ADRA1A: variants seen among roughly 807,000 people sequenced by gnomAD.
ADRA1A encodes the protein alpha-1A adrenergic receptor.
In ADRA1A, 31 loss-of-function variants were observed where a neutral mutation model predicts 29.6. The ratio of observed to expected loss-of-function variants is 1.05; its 90% CI spans 0.79 to 1.41. The LOEUF (loss-of-function observed/expected upper bound fraction) is 1.41, where lower values mean the gene tolerates loss of function less well. Among genes scored for constraint, ADRA1A ranks in the 40% most tolerant of loss-of-function variants. ADRA1A has a pLI of 0.00. For missense variants in ADRA1A, 619 were observed against 601.1 expected (o/e 1.03, Z -0.31); for synonymous variants, 311 against 254.3 (o/e 1.22, Z -2.12).
At position 26,805,597 on chromosome 8, in the gene ADRA1A, G is replaced by A. The variant is rs1808915171; in HGVS notation, c.884-34931C>T. On this transcript the variant is annotated intron_variant, in intron 2 of 2. Coordinates refer to ENST00000380573, the MANE Select transcript of ADRA1A (RefSeq NM_000680.4). The surrounding 1 kb of genome is among the most constrained non-coding windows in gnomAD (Gnocchi z 4.8). ...ATTACAGATTACGAAACAGGCATGA[G>A]AGGCTAAGTAACTTGCCCAAGGCCA... 1.3e-5 allele frequency among the ~76,000 whole-genome samples: 2 copies of A among 152,188 alleles called. No homozygotes were observed. The highest frequency in any genetic ancestry group is 4.8e-5 in the African/African-American group (2 of 41,444).
intron 2 of ADRA1A, among the ~76,000 whole-genome samples, chr8:26,799,887 G>A (rs1002392924): frequency 2.0e-5 from 3 of 152,172 alleles, no homozygotes; most frequent in African/African-American, 7.2e-5. Flanking sequence ...GGAAATGCAC[G>A]TAATCTAGAA....
chr8:26,824,028 T>G (rs557744658), intron 2 of ADRA1A, among the ~76,000 whole-genome samples: 1 of 152,200 alleles, frequency 6.6e-6, no homozygotes, highest in East Asian at 1.9e-4. Context: ...CTGCCTCTTC[T>G]TGCTCAGCCC....
chr8:26,802,388 C>A (rs1808650036), intron 2 of ADRA1A, among the ~76,000 whole-genome samples: 1 of 152,000 alleles, frequency 6.6e-6, no homozygotes, highest in African/African-American at 2.4e-5. Flanking sequence ...AGAAAACATA[C>A]AATAATCTGA....
At chr8:26,856,712 C>A (rs977190398) in intron 2 of ADRA1A, among the ~76,000 whole-genome samples, 2 of 152,214 alleles carry the variant, frequency 1.3e-5, no homozygotes, top group Non-Finnish European at 2.9e-5. Context: ...TCCAGGACCA[C>A]CCTTAGCCAC....
At chr8:26,835,290 A>T (rs1563292403) in intron 2 of ADRA1A, among the ~76,000 whole-genome samples, 1 of 152,168 alleles carries the variant, frequency 6.6e-6, no homozygotes, top group Non-Finnish European at 1.5e-5. Context: ...TTTCCTCTCC[A>T]ACAACACTAT....
downstream of ADRA1A, among the ~76,000 whole-genome samples, chr8:26,767,725 A>T (rs1805867339): frequency 6.6e-6 from 1 of 151,892 alleles, no homozygotes; most frequent in East Asian, 2.0e-4. Flanking sequence ...TTAAAGGATC[A>T]TCTCAAACAT....
intron 2 of ADRA1A, among the ~76,000 whole-genome samples, chr8:26,749,952 G>C (rs968539638): frequency 1.6e-4 from 25 of 152,176 alleles, no homozygotes; most frequent in African/African-American, 5.8e-4. Context: ...CATGGGGCTA[G>C]AGGCACATGA....
intron 2 of ADRA1A, among the ~76,000 whole-genome samples, chr8:26,810,520 TA>T (rs1215426070): frequency 2.6e-5 from 4 of 152,206 alleles, no homozygotes; most frequent in African/African-American, 9.6e-5. Flanking sequence ...CGGGATGACC[TA>T]AAACAATTCA....
intron 2 of ADRA1A, among the ~76,000 whole-genome samples, chr8:26,834,748 T>C (rs1046582918): frequency 1.3e-5 from 2 of 152,228 alleles, no homozygotes; most frequent in Non-Finnish European, 2.9e-5. Context: ...GCATGTCCTC[T>C]GGCTGGGTCT....
chr8:26,820,907 T>C (rs1485105434), intron 2 of ADRA1A, among the ~76,000 whole-genome samples: 1 of 139,568 alleles, frequency 7.2e-6, no homozygotes, highest in Non-Finnish European at 1.6e-5. Flanking sequence ...TTGTTGTTGT[T>C]GAGACAGAGT....
rs1180275332 is a variant in ADRA1A at position 26,768,830 on chromosome 8, A to G, written c.*1319T>C. On this transcript the variant is annotated 3_prime_UTR_variant, in exon 3 of 3. Transcript: ENST00000380573. ...GTTCTGTACTGAGTTATTATGGTTT[A>G]CCAAAATTTGGTATACATAAAGCAA... 1.1e-6 allele frequency: 1 copy of G among 920,626 alleles called. No individual in the cohort carries two copies. The highest frequency in any genetic ancestry group is 1.8e-5 in the African/African-American group (1 of 55,880). 57.0% of individuals were successfully genotyped at this position (920,626 alleles called of 1,614,324 possible). A position where few individuals can be genotyped will look rare whatever the true frequency, so the allele number is the denominator to read the frequency against.
intron 2 of ADRA1A, among the ~76,000 whole-genome samples, chr8:26,851,921 G>A (rs1355184817): frequency 6.6e-6 from 1 of 152,050 alleles, no homozygotes; most frequent in African/African-American, 2.4e-5. Flanking sequence ...CACTATTAAT[G>A]TTTAGTTAAT....
intron 2 of ADRA1A, among the ~76,000 whole-genome samples, chr8:26,803,188 A>T (rs998804244): frequency 6.6e-6 from 1 of 152,182 alleles, no homozygotes; most frequent in African/African-American, 2.4e-5. Flanking sequence ...GACTACAGTC[A>T]GCAATAATTT....
chr8:26,817,764 C>T (rs141403093), intron 2 of ADRA1A, among the ~76,000 whole-genome samples: 3 of 152,064 alleles, frequency 2.0e-5, no homozygotes, highest in South Asian at 2.1e-4. Flanking sequence ...GGTGACAGAG[C>T]GAGACCTTAT....
chr8:26,756,902 A>G (rs1805199920), intron 2 of ADRA1A: 1 of 1,429,792 alleles, frequency 7.0e-7, no homozygotes, highest in Middle Eastern at 1.8e-4. Context: ...TCCAAACCCA[A>G]TGTGTCCATT....
intron 2 of ADRA1A, among the ~76,000 whole-genome samples, chr8:26,839,191 G>A (rs1322232035): frequency 1.5e-5 from 2 of 134,702 alleles, no homozygotes; most frequent in African/African-American, 2.8e-5. Context: ...ATGGAGCCTC[G>A]ATCTACGCCC....
At chr8:26,772,059 C>T (rs963512345) in intron 2 of ADRA1A, 18 of 161,780 alleles carry the variant, frequency 1.1e-4, no homozygotes, top group East Asian at 5.3e-4. Context: ...TGGCCTAGGC[C>T]GAGAAGAAGA....
At chr8:26,762,452 G>T (rs1013775345), downstream of ADRA1A, among the ~76,000 whole-genome samples, 1 of 152,178 alleles carries the variant, frequency 6.6e-6, no homozygotes, top group Non-Finnish European at 1.5e-5. This position sits in a 1 kb window ranked among gnomAD's most constrained non-coding sequence, Gnocchi z 4.0. Flanking sequence ...GAGTTGCTGA[G>T]AGCAGCCCCA....
At position 26,824,996 on chromosome 8, in the gene ADRA1A, GTTC is replaced by G. The variant is rs376040373; in HGVS notation, c.883+39088_883+39090del. On this transcript the variant is annotated intron_variant, in intron 2 of 2. Transcript: ENST00000380573. Reference sequence around the variant, plus strand: ...AACATTGGATTTTGATGGCATCGTAGTTCTTCTTGAACTAGCCGGCAGATCTGC... The same window carrying G: ...AACATTGGATTTTGATGGCATCGTAGTTCTTGAACTAGCCGGCAGATCTGC... Among the ~76,000 whole-genome samples, 31 of 152,046 alleles carry G rather than the reference GTTC, an allele frequency of 2.0e-4. No homozygotes were observed. The South Asian group carries it at 6.0e-3, about 30-fold the overall frequency.
Sources: allele counts gnomAD v4.1 joint callset (sites outside exome capture counted in the v4.1 genomes callset), GRCh38; gene constraint gnomAD v4.1.1; non-coding constraint Gnocchi (gnomAD v3.1); transcripts MANE v1.5; gene names NCBI Gene and HGNC (gene_info 2026-07-23, HGNC 2026-07-21).